The following ZC3H18 variants were observed in gnomAD, a reference collection of about 807,000 sequenced individuals.
ZC3H18 encodes zinc finger CCCH domain-containing protein 18.
Under a neutral mutation model 106.1 loss-of-function variants are expected in ZC3H18, and 8 were observed. The ratio of observed to expected loss-of-function variants is 0.08; its 90% confidence interval spans 0.04 to 0.14. The LOEUF (loss-of-function observed/expected upper bound fraction) is 0.14, where lower values mean the gene tolerates loss of function less well. ZC3H18 is among the 10% of genes least tolerant of loss of function. The pLI, the probability that ZC3H18 is intolerant of heterozygous loss-of-function variation, is 1.00. For synonymous variants in ZC3H18, 635 were observed against 522.1 expected, an observed-to-expected ratio of 1.22 and a Z score of -2.95; for missense variants, 1,318 against 1,278.4, an observed-to-expected ratio of 1.03 and a Z score of -0.47.
intron 8 of ZC3H18, among the ~76,000 whole-genome samples, chr16:88,613,968 C>G (rs1046217433): frequency 6.6e-6 from 1 of 152,190 alleles, no homozygotes; most frequent in African/African-American, 2.4e-5. Flanking sequence ...ATGAACGTTG[C>G]TCCGTCTCAG....
At chr16:88,598,129 G>A (rs1285283440) in intron 3 of ZC3H18, 49 bp from the exon 4 acceptor site, 2 of 1,368,702 alleles carry the variant, frequency 1.5e-6, no homozygotes, top group Non-Finnish European at 1.9e-6. Flanking sequence ...CTGCCCTTGT[G>A]CAATTAGGCT....
At chr16:88,575,721 G>C (rs1914706557) in intron 1 of ZC3H18, among the ~76,000 whole-genome samples, 1 of 151,652 alleles carries the variant, frequency 6.6e-6, no homozygotes, top group African/African-American at 2.4e-5. Flanking sequence ...TTTGTTTTTT[G>C]AGTTTTTTTT....
At chr16:88,606,669 TCCTCTTCGTTTTTATGTAG>T (rs1905024948) in intron 6 of ZC3H18, among the ~76,000 whole-genome samples, 1 of 152,222 alleles carries the variant, frequency 6.6e-6, no homozygotes, top group Non-Finnish European at 1.5e-5. Flanking sequence ...TGTCCAGGCT[TCCTCTTCGTTTTTATGTAG>T]CCTGATGTCA....
chr16:88,624,446 C>T (rs1042347969), intron 11 of ZC3H18, 156 bp from the exon 12 acceptor site: 43 of 1,214,012 alleles, frequency 3.5e-5, no homozygotes, highest in South Asian at 2.7e-4. Context: ...ACTCTGACAC[C>T]GATGGGTGGG....
chr16:88,581,748 C>T (rs1261138468), intron 2 of ZC3H18, among the ~76,000 whole-genome samples: 1 of 152,208 alleles, frequency 6.6e-6, no homozygotes, highest in Non-Finnish European at 1.5e-5. Flanking sequence ...CCCACCCTGA[C>T]CCACTCATGC....
At chr16:88,623,535 T>C (rs564449005) in intron 10 of ZC3H18, 191 bp downstream of exon 10, 1 of 724,218 alleles carries the variant, frequency 1.4e-6, no homozygotes, top group Non-Finnish European at 2.2e-6. Flanking sequence ...CCCTCGTCCT[T>C]GTGTAGATGC....
chr16:88,590,382 C>T (rs1003378068), intron 3 of ZC3H18, among the ~76,000 whole-genome samples: 8 of 152,160 alleles, frequency 5.3e-5, no homozygotes, highest in African/African-American at 4.8e-5. Flanking sequence ...TTTTAGAGAT[C>T]AGTGCTTTGT....
chr16:88,589,276 G>A (rs1189030648), intron 3 of ZC3H18, among the ~76,000 whole-genome samples: 1 of 152,216 alleles, frequency 6.6e-6, no homozygotes, highest in Non-Finnish European at 1.5e-5. Flanking sequence ...GAAGCTCCCG[G>A]GTACCCACTG....
intron 2 of ZC3H18, among the ~76,000 whole-genome samples, chr16:88,581,719 G>A (rs1179901375): frequency 2.0e-5 from 3 of 152,168 alleles, no homozygotes; most frequent in Non-Finnish European, 1.5e-5. Context: ...TGCTCCTGCC[G>A]TCCAAAGAGT....
Position 88,624,760 on chromosome 16 carries a change from G to A in ZC3H18, c.2042+15G>A, listed in dbSNP as rs190198264. On this transcript the variant is annotated intron_variant, in intron 12 of 17. Transcript: ENST00000301011. Reference sequence around the variant, plus strand: ...CCCCCCAGGAGGTGAGCACTCCGGCGTCCGGGGCCCTCAGGCTTTCCGTGT... The same window carrying A: ...CCCCCCAGGAGGTGAGCACTCCGGCATCCGGGGCCCTCAGGCTTTCCGTGT... 4.1e-5 allele frequency: 66 copies of A among 1,602,384 alleles called. No individual in the cohort carries two copies. The highest frequency in any genetic ancestry group is 1.2e-4 in the African/African-American group (9 of 74,500).
At chr16:88,608,865 T>C (rs948841782) in intron 6 of ZC3H18, 69 bp from the exon 7 acceptor site, 20 of 1,292,748 alleles carry the variant, frequency 1.5e-5, no homozygotes, top group Non-Finnish European at 2.1e-5. Context: ...CTGTCCCTAA[T>C]GTTTCGTGTG....
intron 1 of ZC3H18, among the ~76,000 whole-genome samples, chr16:88,576,058 G>A (rs371652679): frequency 2.6e-5 from 4 of 152,204 alleles, no homozygotes; most frequent in South Asian, 2.1e-4. Context: ...CTGCCACCAC[G>A]TGCAGCTAAG....
intron 12 of ZC3H18, 100 bp from the exon 13 acceptor site, chr16:88,625,102 A>G (rs1040116999): frequency 3.2e-5 from 44 of 1,381,958 alleles, no homozygotes; most frequent in Non-Finnish European, 4.3e-5. Flanking sequence ...TAGCAAGGCC[A>G]GTCTGGAGGC....
At chr16:88,603,619 G>C (rs60245329) in intron 6 of ZC3H18, among the ~76,000 whole-genome samples, 1 of 144,992 alleles carries the variant, frequency 6.9e-6, no homozygotes, top group Admixed American at 6.8e-5. Context: ...GCGAGACTCC[G>C]TCTCTTTTTT....
At chr16:88,610,123 G>A (rs1223027147) in intron 7 of ZC3H18, among the ~76,000 whole-genome samples, 2 of 152,096 alleles carry the variant, frequency 1.3e-5, no homozygotes, top group East Asian at 1.9e-4. Flanking sequence ...TGAGATTTCC[G>A]CCCTGGAAAT....
At chr16:88,621,408 T>G (rs1284717393) in intron 8 of ZC3H18, among the ~76,000 whole-genome samples, 1 of 152,112 alleles carries the variant, frequency 6.6e-6, no homozygotes, top group African/African-American at 2.4e-5. Flanking sequence ...ATATTTTTAG[T>G]AGAGATGGGG....
chr16:88,599,191 G>C (rs1904614270), intron 5 of ZC3H18, among the ~76,000 whole-genome samples: 3 of 152,124 alleles, frequency 2.0e-5, no homozygotes, highest in Admixed American at 2.0e-4. Flanking sequence ...CAGAAAGCCT[G>C]GCGAGGCTGC....
intron 1 of ZC3H18, among the ~76,000 whole-genome samples, chr16:88,575,628 G>A (rs1024935939): frequency 6.6e-6 from 1 of 152,040 alleles, no homozygotes; most frequent in African/African-American, 2.4e-5. Flanking sequence ...AGTTTTTGAG[G>A]AGGGAAACTC....
At chr16:88,581,775 CT>C (rs1448896632) in intron 2 of ZC3H18, among the ~76,000 whole-genome samples, 3 of 152,220 alleles carry the variant, frequency 2.0e-5, no homozygotes, top group Non-Finnish European at 2.9e-5. Flanking sequence ...GCAGCCTCTC[CT>C]TTCTCCTGCA....
Sources: gnomAD v4.1 joint callset for allele counts (sites outside exome capture counted in the v4.1 genomes callset) on GRCh38, gnomAD v4.1.1 for gene constraint, MANE v1.5 for transcripts, NCBI Gene and HGNC (gene_info 2026-07-23, HGNC 2026-07-21) for gene names.